The following SLC22A9 variants were observed in gnomAD, a reference collection of about 807,000 sequenced individuals.
SLC22A9 encodes organic anion transporter 7.
In SLC22A9, 64 loss-of-function variants were observed where a neutral mutation model predicts 50.1. The observed-to-expected ratio is 1.28, with a 90% CI of 1.04 to 1.57. The LOEUF is 1.57. Among genes scored for constraint, SLC22A9 ranks in the 40% most tolerant of loss-of-function variants. The pLI is 0.00. For synonymous variants in SLC22A9, 261 were observed against 242.5 expected (o/e 1.08, Z -0.71); for missense variants, 757 against 676.1 (o/e 1.12, Z -1.33).
chr11:63,385,124 T>TTTG (rs1326596373), intron 6 of SLC22A9, among the ~76,000 whole-genome samples: 1 of 147,972 alleles, frequency 6.8e-6, no homozygotes, highest in African/African-American at 2.5e-5. Flanking sequence ...TTTTTTTTTT[T>TTTG]TTTGCTGTGC....
rs547625772 is a variant in SLC22A9, at chr11:63,370,154, T to C, written c.98T>C (p.Leu33Pro). The C allele has an allele frequency of 2.4e-5, 39 of 1,614,070 alleles. No homozygotes were observed. In the South Asian group the frequency reaches 4.2e-4, roughly 17 times the overall value. Reference sequence around the variant, plus strand: ...TCAATCTTTGCTGTTGCTACATACCTTCATTTTATGCTGGAGAACTTCACT... The same window carrying C: ...TCAATCTTTGCTGTTGCTACATACCCTCATTTTATGCTGGAGAACTTCACT... ...FLSIFAVATY[L>P]HFMLENFTAF... Residue 33 changes from leucine (L) to proline (P), a missense_variant, in exon 1 of 10, where the codon CTT (leucine) becomes CCT (proline). By Grantham distance (98) the Leu-to-Pro change is moderately conservative. Coordinates refer to ENST00000279178, the MANE Select transcript of SLC22A9 (RefSeq NM_080866.3).
chr11:63,395,855 A>T (rs1485801233), intron 6 of SLC22A9, among the ~76,000 whole-genome samples: 1 of 151,260 alleles, frequency 6.6e-6, no homozygotes, highest in Non-Finnish European at 1.5e-5. Flanking sequence ...CTGAGCTCAG[A>T]CTCTCCTTGG....
rs116114491 is a variant in SLC22A9 at position 63,390,751 on chromosome 11, G to C, written c.1073+8474G>C. On this transcript the variant is annotated intron_variant, in intron 6 of 9. Transcript: ENST00000279178. ...AAGACAGCCACTGGTAGCTTGATGG[G>C]AATAGCATTGAATCTATGAATTACT... Among the ~76,000 whole-genome samples, 938 of 152,194 alleles carry C rather than the reference G, an allele frequency of 6.2e-3. 10 individuals are homozygous for C. Among genetic ancestry groups the C allele is most frequent in the African/African-American group, 0.021 (859 of 41,530 alleles).
At chr11:63,387,964 A>G (rs905317862) in intron 6 of SLC22A9, among the ~76,000 whole-genome samples, 10 of 152,082 alleles carry the variant, frequency 6.6e-5, no homozygotes, top group Non-Finnish European at 1.0e-4. Context: ...ATTGGCATAT[A>G]GAAATGCTAT....
At chr11:63,371,436 T>G (rs2014358752) in intron 2 of SLC22A9, among the ~76,000 whole-genome samples, 198 bp downstream of exon 2, 1 of 152,182 alleles carries the variant, frequency 6.6e-6, no homozygotes. Context: ...ACAGAAATGA[T>G]ATCTCCATGT....
chr11:63,404,438 T>G (rs2015003500), intron 6 of SLC22A9, among the ~76,000 whole-genome samples: 1 of 152,164 alleles, frequency 6.6e-6, no homozygotes, highest in Non-Finnish European at 1.5e-5. Flanking sequence ...TCTAAAAATT[T>G]GTTAAGTAGG....
intron 6 of SLC22A9, among the ~76,000 whole-genome samples, chr11:63,389,244 C>T (rs1354728115): frequency 6.6e-6 from 1 of 151,728 alleles, no homozygotes; most frequent in Non-Finnish European, 1.5e-5. Flanking sequence ...ATACATGTGC[C>T]ACAGTGGTTT....
Position 63,373,994 on chromosome 11 carries a change from C to A in SLC22A9, c.762C>A (p.Ala254=). The A allele has an allele frequency of 6.2e-7, 1 of 1,613,604 alleles. No individual in the cohort carries two copies. The highest frequency in any genetic ancestry group is 8.5e-7 in the Non-Finnish European group (1 of 1,179,760). Residue 254 remains alanine, a synonymous_variant, in exon 4 of 10, where the codon GCC becomes GCA. Transcript: ENST00000279178. ...TGACCCTGGCAGGCCTGGCTTTTGCCATTCGAGACTGGCATATCCTCCAGC... is the reference window on the plus strand; with the variant it reads ...TGACCCTGGCAGGCCTGGCTTTTGCAATTCGAGACTGGCATATCCTCCAGC... The part of the protein sequence containing the change: ...AFMTLAGLAF[A]IRDWHILQLV...
intron 6 of SLC22A9, among the ~76,000 whole-genome samples, chr11:63,398,721 T>G (rs988237118): frequency 1.8e-4 from 27 of 151,280 alleles, no homozygotes; most frequent in African/African-American, 6.4e-4. Flanking sequence ...GCACTGGCAA[T>G]TCAAGGAAGT....
At chr11:63,388,160 TTC>T (rs1194233041) in intron 6 of SLC22A9, among the ~76,000 whole-genome samples, 1 of 152,142 alleles carries the variant, frequency 6.6e-6, no homozygotes, top group East Asian at 1.9e-4. Context: ...TGTCCTTGAT[TTC>T]TTTCTCTTCT....
intron 6 of SLC22A9, among the ~76,000 whole-genome samples, chr11:63,388,547 T>C (rs1290547225): frequency 6.6e-6 from 1 of 152,056 alleles, no homozygotes; most frequent in Non-Finnish European, 1.5e-5. Context: ...TTAATCATTG[T>C]TTTAATGTGT....
chr11:63,392,128 C>G (rs1442045635), intron 6 of SLC22A9, among the ~76,000 whole-genome samples: 2 of 151,202 alleles, frequency 1.3e-5, no homozygotes, highest in Non-Finnish European at 1.5e-5. Context: ...AACTTTGTCT[C>G]CTGGCTTTTT....
At chr11:63,376,395 T>C (rs2014461854) in intron 5 of SLC22A9, among the ~76,000 whole-genome samples, 1 of 152,092 alleles carries the variant, frequency 6.6e-6, no homozygotes, top group Admixed American at 6.6e-5. Context: ...CCACCCCAGA[T>C]CTTAAAGATA....
chr11:63,384,175 T>C (rs1362241589), intron 6 of SLC22A9, among the ~76,000 whole-genome samples: 1 of 152,182 alleles, frequency 6.6e-6, no homozygotes, highest in Non-Finnish European at 1.5e-5. Context: ...ATGTACAGGA[T>C]GTGCAGGTTT....
intron 6 of SLC22A9, among the ~76,000 whole-genome samples, chr11:63,386,282 A>G (rs780925003): frequency 1.7e-4 from 25 of 151,118 alleles, no homozygotes; most frequent in Non-Finnish European, 3.3e-4. Flanking sequence ...CCAGGTTTTT[A>G]TCCCTACCAG....
chr11:63,404,745 C>T (rs1036355954), intron 6 of SLC22A9, among the ~76,000 whole-genome samples: 2 of 152,164 alleles, frequency 1.3e-5, no homozygotes, highest in Non-Finnish European at 2.9e-5. Flanking sequence ...CTTGTTTATA[C>T]TGGCAGATGC....
chr11:63,385,106 G>GT (rs149124193), intron 6 of SLC22A9, among the ~76,000 whole-genome samples: 3,001 of 76,424 alleles, frequency 0.039, 189 homozygotes, highest in Middle Eastern at 0.085. Context: ...TGATGATACA[G>GT]TTTTTTTTTT....
intron 2 of SLC22A9, among the ~76,000 whole-genome samples, chr11:63,373,307 T>C (rs1466964519): frequency 1.3e-5 from 2 of 152,054 alleles, no homozygotes; most frequent in Non-Finnish European, 2.9e-5. Context: ...CTAAAGTACA[T>C]GGGAGACACA....
intron 5 of SLC22A9, among the ~76,000 whole-genome samples, chr11:63,379,140 C>T (rs2014517687): frequency 1.3e-5 from 2 of 152,084 alleles, no homozygotes; most frequent in South Asian, 4.1e-4. Flanking sequence ...ACACAGTAAC[C>T]AAAACAGCAT....
Sources: gnomAD v4.1 joint callset for allele counts (sites outside exome capture counted in the v4.1 genomes callset) on GRCh38, gnomAD v4.1.1 for gene constraint, MANE v1.5 for transcripts, NCBI Gene and HGNC (gene_info 2026-07-23, HGNC 2026-07-21) for gene names.